The following ZNF407 variants were observed in gnomAD, a reference collection of about 807,000 sequenced individuals.
ZNF407 encodes zinc finger protein 407.
A neutral mutation model predicts 131.2 loss-of-function variants in ZNF407; 17 were observed. That is an observed-to-expected ratio of 0.13 (90% CI 0.09 to 0.19). The LOEUF (loss-of-function observed/expected upper bound fraction) is 0.19. Among genes scored for constraint, ZNF407 ranks in the 10% least tolerant of loss-of-function variants. ZNF407 has a pLI of 1.00. For synonymous variants in ZNF407, 1,156 were observed against 1,062.0 expected (o/e 1.09, Z -1.72); for missense variants, 2,681 against 2,830.6 (o/e 0.95, Z 1.20).
chr18:75,046,658 C>T (rs1031326692), intron 8 of ZNF407, among the ~76,000 whole-genome samples: 30 of 152,200 alleles, frequency 2.0e-4, no homozygotes, highest in African/African-American at 7.2e-4. Flanking sequence ...GAACAGCATC[C>T]TCCTTTACTT....
chr18:74,839,608 TTTGA>T (rs1285958261), intron 4 of ZNF407, among the ~76,000 whole-genome samples: 2 of 152,170 alleles, frequency 1.3e-5, no homozygotes, highest in Admixed American at 6.5e-5. Context: ...TGGATTTGTG[TTTGA>T]TTGAATAACT....
At chr18:74,901,889 C>T (rs1387961807) in intron 7 of ZNF407, among the ~76,000 whole-genome samples, 1 of 147,900 alleles carries the variant, frequency 6.8e-6, no homozygotes, top group Admixed American at 6.9e-5. Flanking sequence ...AAAGAGTCAA[C>T]ACAAGGTTTC....
intron 3 of ZNF407, among the ~76,000 whole-genome samples, chr18:74,665,536 C>G (rs575953661): frequency 5.3e-5 from 8 of 152,224 alleles, no homozygotes; most frequent in South Asian, 2.1e-4. Flanking sequence ...ATGAGAAATA[C>G]GTGTTTTGGC....
intron 3 of ZNF407, among the ~76,000 whole-genome samples, chr18:74,715,530 G>A (rs1967873904): frequency 6.6e-6 from 1 of 152,210 alleles, no homozygotes; most frequent in African/African-American, 2.4e-5. Flanking sequence ...CAGTGTGGAT[G>A]CTTGGGGAGC....
intron 8 of ZNF407, among the ~76,000 whole-genome samples, chr18:74,943,975 AC>A (rs771841997): frequency 7.9e-5 from 12 of 152,196 alleles, no homozygotes; most frequent in Non-Finnish European, 1.3e-4. Flanking sequence ...GTGGATTGCT[AC>A]CAGAAATAAA....
At chr18:74,967,576 T>A (rs1972423405) in intron 8 of ZNF407, among the ~76,000 whole-genome samples, 1 of 152,192 alleles carries the variant, frequency 6.6e-6, no homozygotes, top group South Asian at 2.1e-4. Context: ...AGAGAACATA[T>A]CCCAGGCTGG....
chr18:74,713,071 A>G (rs1478849801), intron 3 of ZNF407, among the ~76,000 whole-genome samples: 1 of 152,180 alleles, frequency 6.6e-6, no homozygotes, highest in Non-Finnish European at 1.5e-5. Flanking sequence ...ACTTGGCCTT[A>G]TTGATACCTG....
chr18:74,602,134 A>G (rs1029030552), intron 1 of ZNF407, among the ~76,000 whole-genome samples: 1 of 152,198 alleles, frequency 6.6e-6, no homozygotes, highest in Non-Finnish European at 1.5e-5. Context: ...CTCCCTGCTT[A>G]CTTGATTATC....
intron 3 of ZNF407, among the ~76,000 whole-genome samples, chr18:74,757,533 A>G (rs1968991303): frequency 6.6e-6 from 1 of 152,092 alleles, no homozygotes; most frequent in Non-Finnish European, 1.5e-5. Flanking sequence ...GTATGATTTC[A>G]ATCTCTATAG....
chr18:74,849,065 T>A (rs1568240140), intron 4 of ZNF407, among the ~76,000 whole-genome samples: 1 of 146,138 alleles, frequency 6.8e-6, no homozygotes, highest in Non-Finnish European at 1.5e-5. Flanking sequence ...TTTTTTTTTT[T>A]TATTTTTTAT....
At chr18:74,704,217 G>A (rs1967569032) in intron 3 of ZNF407, among the ~76,000 whole-genome samples, 1 of 152,122 alleles carries the variant, frequency 6.6e-6, no homozygotes, top group Admixed American at 6.5e-5. Context: ...GGTAAACCAG[G>A]CCATCGCTGC....
intron 5 of ZNF407, 125 bp downstream of exon 5, chr18:74,877,488 T>C (rs1364549887): frequency 1.7e-5 from 16 of 939,712 alleles, no homozygotes; most frequent in Admixed American, 1.2e-4. Flanking sequence ...TGCTTTAAGA[T>C]TGTGGTAATT....
chr18:74,966,468 C>T (rs936118984), intron 8 of ZNF407, among the ~76,000 whole-genome samples: 1 of 152,100 alleles, frequency 6.6e-6, no homozygotes, highest in African/African-American at 2.4e-5. Context: ...AAAATGGGTT[C>T]ACCGTAGGTA....
chr18:74,985,756 C>T, intron 8 of ZNF407, among the ~76,000 whole-genome samples: 1 of 152,068 alleles, frequency 6.6e-6, no homozygotes, highest in South Asian at 2.1e-4. Context: ...CATTGAACAG[C>T]CAGGGTAGTA....
At chr18:74,741,746 A>C (rs1444217247) in intron 3 of ZNF407, among the ~76,000 whole-genome samples, 1 of 152,166 alleles carries the variant, frequency 6.6e-6, no homozygotes, top group Non-Finnish European at 1.5e-5. Context: ...GGTGACAAGA[A>C]GGGATACTCC....
intron 3 of ZNF407, among the ~76,000 whole-genome samples, chr18:74,671,473 C>G (rs987677425): frequency 6.6e-6 from 1 of 151,978 alleles, no homozygotes; most frequent in African/African-American, 2.4e-5. Flanking sequence ...AACCTAGTAC[C>G]CAACAGTAGT....
chr18:74,793,370 A>G (rs1969861356), intron 4 of ZNF407, among the ~76,000 whole-genome samples: 1 of 152,228 alleles, frequency 6.6e-6, no homozygotes, highest in Admixed American at 6.5e-5. Context: ...TACTAAATGA[A>G]TAAATAAGGT....
In ZNF407 at chr18:74,755,518, T is replaced by C. The variant is rs533184206; in HGVS notation, c.4803-25910T>C. 3.3e-5 allele frequency among the ~76,000 whole-genome samples: 5 copies of C among 150,316 alleles called. No individual in the cohort carries two copies. In the East Asian group the frequency reaches 9.9e-4, roughly 30 times the overall value. ...TTTATGAACTCTTAATTGTATTTCATTGATGTATCTTTCCCTCTCTCCCTC... is the reference window on the plus strand; with the variant it reads ...TTTATGAACTCTTAATTGTATTTCACTGATGTATCTTTCCCTCTCTCCCTC... On this transcript the variant is annotated intron_variant, in intron 3 of 8. Coordinates refer to ENST00000299687, the MANE Select transcript of ZNF407 (RefSeq NM_017757.3).
chr18:74,929,233 G>C (rs946975365), intron 8 of ZNF407, among the ~76,000 whole-genome samples: 1 of 151,984 alleles, frequency 6.6e-6, no homozygotes. Context: ...TGTATGATTC[G>C]AGCCGCGCCA....
Sources: gnomAD v4.1 joint callset for allele counts (sites outside exome capture counted in the v4.1 genomes callset) on GRCh38, gnomAD v4.1.1 for gene constraint, MANE v1.5 for transcripts, NCBI Gene and HGNC (gene_info 2026-07-23, HGNC 2026-07-21) for gene names.